The following CAT variants were observed in gnomAD, a reference collection of about 807,000 sequenced individuals.
The protein encoded by CAT is catalase, also known as epididymis secretory sperm binding protein.
In CAT, 43 loss-of-function variants were observed where a neutral mutation model predicts 59.0. The observed-to-expected ratio is 0.73, with a 90% CI of 0.57 to 0.94. The LOEUF (loss-of-function observed/expected upper bound fraction) is 0.94, where lower values mean the gene tolerates loss of function less well. Ranked by LOEUF, CAT falls within the 40% of genes least tolerant of loss-of-function variation. The pLI is 0.00. For synonymous variants in CAT, 218 were observed against 230.9 expected, an observed-to-expected ratio of 0.94 and a Z score of 0.51; for missense variants, 664 against 682.9, an observed-to-expected ratio of 0.97 and a Z score of 0.31.
chr11:34,455,147 A>G (rs527900768), intron 6 of CAT, among the ~76,000 whole-genome samples: 4 of 152,198 alleles, frequency 2.6e-5, no homozygotes, highest in Admixed American at 2.0e-4. Context: ...CGATCTGTAC[A>G]TGGTGACCTT....
At chr11:34,465,560 A>G (rs1035960470) in intron 10 of CAT, among the ~76,000 whole-genome samples, 4 of 152,186 alleles carry the variant, frequency 2.6e-5, no homozygotes, top group Admixed American at 2.6e-4. Flanking sequence ...TAATGAGGCT[A>G]TTGCTTACAC....
chr11:34,452,374 GA>G (rs896293903), intron 4 of CAT, among the ~76,000 whole-genome samples, 167 bp downstream of exon 4: 1 of 152,142 alleles, frequency 6.6e-6, no homozygotes, highest in Non-Finnish European at 1.5e-5. Flanking sequence ...GATAAAGTAA[GA>G]ACAGTTACCA....
chr11:34,461,841 C>G (rs894492367), intron 9 of CAT, among the ~76,000 whole-genome samples: 3 of 152,148 alleles, frequency 2.0e-5, no homozygotes, highest in African/African-American at 7.2e-5. Context: ...TGCTGTGGCC[C>G]TGGAGGAGCA....
intron 4 of CAT, among the ~76,000 whole-genome samples, chr11:34,452,534 G>T (rs1856536408): frequency 6.6e-6 from 1 of 152,046 alleles, no homozygotes. Flanking sequence ...TCAGCAGGAG[G>T]GGGTGTGTGT....
At position 34,438,976 on chromosome 11, in the gene CAT, A is replaced by G. The variant is rs750791814; in HGVS notation, c.-38A>G. The G allele has an allele frequency of 5.8e-6, 9 of 1,549,216 alleles. No individual in the cohort carries two copies. The South Asian group carries it at 1.1e-4, about 18-fold the overall frequency. On this transcript the variant is annotated 5_prime_UTR_variant, in exon 1 of 13. Coordinates refer to ENST00000241052, the MANE Select transcript of CAT (RefSeq NM_001752.4). ...GCTGAGGGTGGAGACCCACGAGCCG[A>G]GGCCTCCTGCAGTGTTCTGCACAGC...
rs780547235 is a variant in CAT at position 34,471,023 on chromosome 11, C to T, written c.1500C>T (p.Tyr500=). Residue 500 remains tyrosine (Y), a synonymous_variant, in exon 12 of 13, where the codon TAC becomes TAT. Transcript: ENST00000241052. ...GSHIQALLDK[Y]NAEKPKNAIH... ...ACATCCAGGCTCTTCTGGACAAGTA[C>T]AATGCTGAGAAGCCTAAGGTAAGCT... The T allele has an allele frequency of 2.1e-5, 34 of 1,614,012 alleles. No homozygotes were observed. Among genetic ancestry groups the T allele is most frequent in the Non-Finnish European group, 2.9e-5 (34 of 1,179,972 alleles).
At chr11:34,447,035 C>T (rs928240002) in intron 1 of CAT, among the ~76,000 whole-genome samples, 4 of 152,164 alleles carry the variant, frequency 2.6e-5, no homozygotes, top group East Asian at 3.9e-4. Flanking sequence ...TGAGCCACCG[C>T]GCCCAGCCTG....
At position 34,471,574 on chromosome 11, in the gene CAT, A is replaced by T. The variant is rs1856773556; in HGVS notation, c.*141A>T. 2 of 721,274 alleles carry T rather than the reference A, an allele frequency of 2.8e-6. No individual in the cohort carries two copies. The highest frequency in any genetic ancestry group is 5.1e-6 in the Non-Finnish European group (2 of 394,616). 44.7% of individuals were successfully genotyped at this position (721,274 alleles called of 1,614,324 possible). ...TAGAGAATCCCACTTTCTATAGCAGATTGTGTAACAATTTTAATGCTATTT... is the reference window on the plus strand; with the variant it reads ...TAGAGAATCCCACTTTCTATAGCAGTTTGTGTAACAATTTTAATGCTATTT... On this transcript the variant is annotated 3_prime_UTR_variant, in exon 13 of 13. Coordinates refer to ENST00000241052, the MANE Select transcript of CAT (RefSeq NM_001752.4).
intron 9 of CAT, 143 bp from the exon 10 acceptor site, chr11:34,463,962 T>C (rs1238541634): frequency 3.5e-6 from 3 of 850,854 alleles, no homozygotes; most frequent in Non-Finnish European, 6.1e-6. Context: ...TTAAAAATAA[T>C]ATGTGTGCGT....
At chr11:34,471,146 C>A in intron 12 of CAT, 105 bp downstream of exon 12, 1 of 1,018,686 alleles carries the variant, frequency 9.8e-7, no homozygotes, top group African/African-American at 1.6e-5. Flanking sequence ...CCATTACCTG[C>A]CACTGTTAGA....
intron 1 of CAT, among the ~76,000 whole-genome samples, chr11:34,446,382 A>T (rs1464502848): frequency 6.6e-6 from 1 of 152,214 alleles, no homozygotes; most frequent in Non-Finnish European, 1.5e-5. Flanking sequence ...TTCATTTCTT[A>T]ACAGGATTGA....
rs761179138 is a variant in CAT, at chr11:34,456,083, A to G, written c.784A>G (p.Ile262Val). 6.2e-7 allele frequency: 1 copy of G among 1,614,124 alleles called. No homozygotes were observed. Among genetic ancestry groups the G allele is most frequent in the African/African-American group, 1.3e-5 (1 of 75,054 alleles). The change falls in exon 7 of 13, where the codon ATC (isoleucine) becomes GTC (valine). Residue 262 changes from isoleucine to valine, a missense_variant. Transcript: ENST00000241052. ...TTCCCAGGAAGATCCTGACTATGGC[A>G]TCCGGGATCTTTTTAACGCCATTGC... ...RLSQEDPDYG[I>V]RDLFNAIATG...
intron 1 of CAT, among the ~76,000 whole-genome samples, chr11:34,445,309 A>G (rs1412501932): frequency 6.6e-6 from 1 of 151,828 alleles, no homozygotes; most frequent in Non-Finnish European, 1.5e-5. Flanking sequence ...CCTGGCCAAC[A>G]TGATGGAACC....
At position 34,452,853 on chromosome 11, in the gene CAT, T is replaced by TA. The variant is rs532166250; in HGVS notation, c.481-222dup. On this transcript the variant is annotated intron_variant, in intron 4 of 12. Coordinates refer to ENST00000241052, the MANE Select transcript of CAT (RefSeq NM_001752.4). ...TGGGTGACAGAGTGAGACCCTGTCTTAAAAAAAAAAAAAAAGAAAAGACTA... is the reference window on the plus strand; with the variant it reads ...TGGGTGACAGAGTGAGACCCTGTCTTAAAAAAAAAAAAAAAAGAAAAGACTA... 1.5e-3 allele frequency among the ~76,000 whole-genome samples: 209 copies of TA among 137,232 alleles called. 2 individuals are homozygous for TA. Among genetic ancestry groups the TA allele is most frequent in the Middle Eastern group, 7.4e-3 (2 of 272 alleles). The allele number at this position is 137,232 out of a possible 152,430, so 90.0% of individuals were successfully genotyped here. A position where few individuals can be genotyped will look rare whatever the true frequency, so the allele number is the denominator to read the frequency against.
chr11:34,468,523 AT>A (rs776241015), intron 11 of CAT, 128 bp downstream of exon 11: 66 of 695,424 alleles, frequency 9.5e-5, no homozygotes, highest in African/African-American at 6.1e-4. Context: ...AAAAAAAAAA[AT>A]AAACTAGTAA....
intron 5 of CAT, 99 bp downstream of exon 5, chr11:34,453,293 GAA>G: frequency 1.2e-6 from 1 of 807,792 alleles, no homozygotes; most frequent in South Asian, 1.4e-5. Flanking sequence ...TATTTTATTG[GAA>G]TCAGCTTCCT....
At position 34,471,051 on chromosome 11, in the gene CAT, G is replaced by T; in HGVS notation, c.1518+10G>T. On this transcript the variant is annotated intron_variant, in intron 12 of 12. Coordinates refer to ENST00000241052, the MANE Select transcript of CAT (RefSeq NM_001752.4). ...TGCTGAGAAGCCTAAGGTAAGCTGG[G>T]AGCAGCCTGGCCATGCAGAGGCTGT... 12 of 1,612,582 alleles carry T rather than the reference G, an allele frequency of 7.4e-6. No homozygotes were observed. Among genetic ancestry groups the T allele is most frequent in the Non-Finnish European group, 1.0e-5 (12 of 1,178,606 alleles).
At chr11:34,445,894 T>A (rs900067694) in intron 1 of CAT, among the ~76,000 whole-genome samples, 1 of 152,172 alleles carries the variant, frequency 6.6e-6, no homozygotes, top group Non-Finnish European at 1.5e-5. Context: ...CAAAGTTACT[T>A]AAGTTTTCTG....
At chr11:34,455,883 G>A (rs1856581513) in intron 6 of CAT, 128 bp from the exon 7 acceptor site, 5 of 722,988 alleles carry the variant, frequency 6.9e-6, no homozygotes, top group Non-Finnish European at 1.2e-5. Flanking sequence ...TTGAACAATA[G>A]AAGTATTGTT....
Sources: allele counts gnomAD v4.1 joint callset (sites outside exome capture counted in the v4.1 genomes callset), GRCh38; gene constraint gnomAD v4.1.1; transcripts MANE v1.5; gene names NCBI Gene and HGNC (gene_info 2026-07-23, HGNC 2026-07-21).